The following GRM8 variants were observed in gnomAD, a reference collection of about 807,000 sequenced individuals.
The protein encoded by GRM8 is glutamate metabotropic receptor 8, also known as metabotropic glutamate receptor 8.
Under a neutral mutation model 87.2 loss-of-function variants are expected in GRM8, and 47 were observed. That is an observed-to-expected ratio of 0.54 (90% CI 0.43 to 0.69). GRM8 has a LOEUF of 0.69. Among genes scored for constraint, GRM8 ranks in the 30% least tolerant of loss-of-function variants. GRM8 has a pLI of 0.00. For missense variants in GRM8, 1,019 were observed against 1,139.2 expected (o/e 0.89, Z 1.52); for synonymous variants, 396 against 404.5 (o/e 0.98, Z 0.25).
At chr7:126,905,278 A>C (rs977078204) in intron 3 of GRM8, among the ~76,000 whole-genome samples, 2 of 152,216 alleles carry the variant, frequency 1.3e-5, no homozygotes, top group Non-Finnish European at 2.9e-5. Flanking sequence ...GCCACTATGA[A>C]AATCGAAATG....
chr7:126,928,492 T>G (rs1247277087), intron 3 of GRM8, among the ~76,000 whole-genome samples: 1 of 152,014 alleles, frequency 6.6e-6, no homozygotes, highest in African/African-American at 2.4e-5. Context: ...GGCAACGTGA[T>G]GAAACCCCAT....
At chr7:126,600,663 T>G (rs1272120371) in intron 8 of GRM8, among the ~76,000 whole-genome samples, 1 of 152,182 alleles carries the variant, frequency 6.6e-6, no homozygotes, top group Non-Finnish European at 1.5e-5. Flanking sequence ...TGAGTACTTA[T>G]TCTGGGCTTG....
chr7:127,119,520 A>ACG (rs1563526158), intron 2 of GRM8, among the ~76,000 whole-genome samples: 8 of 151,300 alleles, frequency 5.3e-5, no homozygotes, highest in South Asian at 2.1e-4. Flanking sequence ...ACACACATGC[A>ACG]CACACACACA....
chr7:127,164,163 C>T (rs1328553876), intron 2 of GRM8, among the ~76,000 whole-genome samples: 1 of 152,108 alleles, frequency 6.6e-6, no homozygotes, highest in Admixed American at 6.6e-5. Flanking sequence ...CTTGCTCCTG[C>T]TCTGGCCATG....
At chr7:127,007,574 T>A (rs1586734986) in intron 3 of GRM8, among the ~76,000 whole-genome samples, 1 of 152,212 alleles carries the variant, frequency 6.6e-6, no homozygotes, top group South Asian at 2.1e-4. Flanking sequence ...TAGGGTAATG[T>A]GGTAAGGATT....
chr7:127,042,664 A>G (rs2132414009), intron 3 of GRM8, among the ~76,000 whole-genome samples: 1 of 152,334 alleles, frequency 6.6e-6, no homozygotes, highest in Admixed American at 6.5e-5. Context: ...AAAACCCTAG[A>G]AGAAAACCTA....
intron 3 of GRM8, among the ~76,000 whole-genome samples, chr7:126,922,487 A>T (rs972314550): frequency 6.6e-6 from 1 of 152,194 alleles, no homozygotes; most frequent in Non-Finnish European, 1.5e-5. Context: ...TACCAGAAAA[A>T]GAGCTAAAGG....
chr7:126,446,281 A>C lies in GRM8; in HGVS notation c.2522T>G (p.Ile841Arg). 6.2e-7 allele frequency: 1 copy of C among 1,612,302 alleles called. No homozygotes were observed. The highest frequency in any genetic ancestry group is 8.5e-7 in the Non-Finnish European group (1 of 1,178,844). The change falls in exon 10 of 11, where the codon ATA (isoleucine) becomes AGA (arginine). Residue 841 changes from isoleucine (I) to arginine (R), a missense_variant. Coordinates refer to ENST00000339582, the MANE Select transcript of GRM8 (RefSeq NM_000845.3). ...GMLYMPKVYI[I>R]IFHPEQNVQK... ...AACATTCTGTTCTGGATGAAAAATT[A>C]TAATATAAACCTTGGGCATATAGAG...
At chr7:127,037,750 C>A (rs1011774525) in intron 3 of GRM8, among the ~76,000 whole-genome samples, 7 of 151,980 alleles carry the variant, frequency 4.6e-5, no homozygotes, top group African/African-American at 1.7e-4. Context: ...GATATCTCAG[C>A]CCTGCAGAAC....
chr7:126,610,288 CT>C (rs1218176214), intron 7 of GRM8, among the ~76,000 whole-genome samples: 5 of 152,218 alleles, frequency 3.3e-5, no homozygotes, highest in Admixed American at 3.3e-4. Flanking sequence ...CCAATGTCTT[CT>C]TGTTCCATCT....
chr7:127,049,050 T>C (rs956349571), intron 3 of GRM8, among the ~76,000 whole-genome samples: 1 of 152,158 alleles, frequency 6.6e-6, no homozygotes, highest in African/African-American at 2.4e-5. Context: ...TCCCATAGAG[T>C]TTCAAATTAT....
intron 3 of GRM8, among the ~76,000 whole-genome samples, chr7:126,959,681 T>G (rs2131671945): frequency 6.6e-6 from 1 of 152,310 alleles, no homozygotes; most frequent in South Asian, 2.1e-4. Flanking sequence ...CACATTTATT[T>G]TTTCCTTTAA....
intron 3 of GRM8, among the ~76,000 whole-genome samples, chr7:126,963,400 T>C (rs758070835): frequency 6.6e-6 from 1 of 152,166 alleles, no homozygotes; most frequent in Non-Finnish European, 1.5e-5. Context: ...TAGAAAGAGA[T>C]GACATGATTA....
intron 7 of GRM8, among the ~76,000 whole-genome samples, chr7:126,688,067 T>C (rs1331690814): frequency 6.6e-6 from 1 of 152,150 alleles, no homozygotes; most frequent in Non-Finnish European, 1.5e-5. Flanking sequence ...ATTGCAAATA[T>C]CCTATCACAT....
rs189029899 is a variant in GRM8 at position 126,990,683 on chromosome 7, T to C, written c.728-86000A>G. 3.2e-3 allele frequency among the ~76,000 whole-genome samples: 487 copies of C among 152,346 alleles called. 4 individuals carry two copies. The highest frequency in any genetic ancestry group is 0.011 in the African/African-American group (464 of 41,586). On this transcript the variant is annotated intron_variant, in intron 3 of 10. Transcript: ENST00000339582. The stretch of plus-strand genomic sequence containing the variant: ...TACTGTGTGACCTTGGGCAACTTAA[T>C]AAACTTTTCCAAGCCTCCATTTCTC...
intron 3 of GRM8, among the ~76,000 whole-genome samples, chr7:126,975,407 T>A (rs955565340): frequency 1.3e-5 from 2 of 152,224 alleles, no homozygotes; most frequent in Admixed American, 6.5e-5. Flanking sequence ...ATGATGAAGG[T>A]CACATATGTT....
At chr7:126,973,696 T>C (rs1810663525) in intron 3 of GRM8, among the ~76,000 whole-genome samples, 1 of 152,240 alleles carries the variant, frequency 6.6e-6, no homozygotes, top group African/African-American at 2.4e-5. Context: ...CAATATTTCA[T>C]TGATTCTAAG....
chr7:126,875,760 T>C (rs1170695393), intron 6 of GRM8, among the ~76,000 whole-genome samples: 3 of 152,024 alleles, frequency 2.0e-5, no homozygotes, highest in African/African-American at 7.3e-5. Context: ...TCACCTGAAT[T>C]AATGTATTAA....
At chr7:126,814,946 AC>A (rs1315119472) in intron 6 of GRM8, among the ~76,000 whole-genome samples, 1 of 151,964 alleles carries the variant, frequency 6.6e-6, no homozygotes, top group African/African-American at 2.4e-5. Flanking sequence ...AAACAAATCA[AC>A]CTAAGACTTT....
Sources: gnomAD v4.1 joint callset for allele counts (sites outside exome capture counted in the v4.1 genomes callset) on GRCh38, gnomAD v4.1.1 for gene constraint, MANE v1.5 for transcripts, NCBI Gene and HGNC (gene_info 2026-07-23, HGNC 2026-07-21) for gene names.